EXOSC10: variants seen among roughly 807,000 people sequenced by gnomAD.
EXOSC10 encodes the protein exosome component 10.
In EXOSC10, 94 loss-of-function variants were observed where a neutral mutation model predicts 126.6. That is an observed-to-expected ratio of 0.74 (90% CI 0.63 to 0.88). The LOEUF is 0.88. Ranked by LOEUF, EXOSC10 falls within the 40% of genes least tolerant of loss-of-function variation. EXOSC10 has a pLI of 0.00. For synonymous variants in EXOSC10, 395 were observed against 400.8 expected (o/e 0.99, Z 0.17); for missense variants, 1,041 against 1,100.5 (o/e 0.95, Z 0.77).
rs747009008 is a variant in EXOSC10, at chr1:11,079,730, C to G, written c.1730G>C (p.Arg577Pro). Residue 577 changes from arginine (R) to proline (P), a missense_variant, in exon 14 of 25, where the codon CGA (arginine) becomes CCA (proline). Coordinates refer to ENST00000376936, the MANE Select transcript of EXOSC10 (RefSeq NM_001001998.3). ...NEMHLLIQQA[R>P]EMPLLKSEVA... ...TCTTACCTTGAGCAGGGGCATCTCT[C>G]GGGCCTGCTGGATTAAAAGGTGCAT... 6.2e-7 allele frequency: 1 copy of G among 1,613,672 alleles called. No homozygotes were observed. The highest frequency in any genetic ancestry group is 8.5e-7 in the Non-Finnish European group (1 of 1,179,834).
chr1:11,088,559 T>A (rs984578838), intron 6 of EXOSC10, among the ~76,000 whole-genome samples: 3 of 152,232 alleles, frequency 2.0e-5, no homozygotes, highest in African/African-American at 7.2e-5. Context: ...AAAGTAAGGA[T>A]GAAGCAAATA....
rs369539353 is a variant in EXOSC10 at position 11,077,413 on chromosome 1, C to G, written c.1831G>C (p.Asp611His). ...CCATCCGGAGGGGCATGGGAGCAGT[C>G]GTGAGGTCCAAAGAGAACATTCTCC... ...RLENVLFGPH[D>H]CSHAPPDGYP... is the part of the protein sequence containing the mutation. Residue 611 changes from aspartate (D) to histidine (H), a missense_variant, in exon 16 of 25, where the codon GAC (aspartate) becomes CAC (histidine). Asp to His is a moderately conservative substitution (Grantham distance 81, BLOSUM62 -1). Around this residue, in one of 3 missense-constraint regions of EXOSC10, gnomAD observed 388 missense variants for 415.2 expected, o/e 0.93. Transcript: ENST00000376936. The G allele has an allele frequency of 1.5e-5, 24 of 1,613,910 alleles. No homozygotes were observed. The highest frequency in any genetic ancestry group is 1.9e-5 in the Non-Finnish European group (22 of 1,179,984).
intron 18 of EXOSC10, 92 bp from the exon 19 acceptor site, chr1:11,074,100 T>G (rs2748876): frequency 0.76 from 1,067,543 of 1,399,558 alleles, 411,723 homozygotes; most frequent in East Asian, 0.94. Context: ...TGCTGGTGCC[T>G]TGTCAGCGTC....
At chr1:11,070,734 G>C (rs1322132635) in intron 21 of EXOSC10, 166 bp downstream of exon 21, 30 of 617,816 alleles carry the variant, frequency 4.9e-5, no homozygotes, top group Middle Eastern at 2.9e-4. Flanking sequence ...TCTTGTGGAG[G>C]TTTCGGAAAT....
chr1:11,076,838 T>A lies in EXOSC10; in HGVS notation c.1986+4A>T, dbSNP rs758087431. On this transcript the variant is annotated splice_donor_region_variant and intron_variant, in intron 17 of 24. Transcript: ENST00000376936. ...CACCTCAGTGAAGTTTCTGTGCTAC[T>A]CACATTAAATAACGTGATGACAGCT... The A allele has an allele frequency of 7.5e-6, 12 of 1,606,654 alleles. No individual in the cohort carries two copies. Among genetic ancestry groups the A allele is most frequent in the African/African-American group, 1.3e-5 (1 of 74,818 alleles).
intron 17 of EXOSC10, among the ~76,000 whole-genome samples, chr1:11,075,099 C>T (rs1343712013): frequency 6.6e-6 from 1 of 152,112 alleles, no homozygotes; most frequent in South Asian, 2.1e-4. Flanking sequence ...GTGGTGCCAT[C>T]TCTGCTCACT....
At position 11,087,540 on chromosome 1, in the gene EXOSC10, T is replaced by C. The variant is rs763126341; in HGVS notation, c.997A>G (p.Thr333Ala). 2 of 1,613,960 alleles carry C rather than the reference T, an allele frequency of 1.2e-6. No individual in the cohort carries two copies. Among genetic ancestry groups the C allele is most frequent in the Admixed American group, 1.7e-5 (1 of 59,980 alleles). The change falls in exon 9 of 25, where the codon ACT (threonine) becomes GCT (alanine). Residue 333 changes from threonine (T) to alanine (A), a missense_variant. By Grantham distance (58) the Thr-to-Ala change is moderately conservative (BLOSUM62 0). Coordinates refer to ENST00000376936, the MANE Select transcript of EXOSC10 (RefSeq NM_001001998.3). Reference protein sequence around the residue: ...LGLTCLMQISTRTEDFIIDTL... With the variant: ...LGLTCLMQISARTEDFIIDTL... ...TCAATGATGAAGTCTTCCGTCCGAGTAGAAATTTGCATCAGGCAGGTCAGT... is the reference window on the plus strand; with the variant it reads ...TCAATGATGAAGTCTTCCGTCCGAGCAGAAATTTGCATCAGGCAGGTCAGT...
At chr1:11,076,760 C>A in intron 17 of EXOSC10, 82 bp downstream of exon 17, 1 of 1,088,020 alleles carries the variant, frequency 9.2e-7, no homozygotes, top group Non-Finnish European at 1.4e-6. Flanking sequence ...GTATGCAATG[C>A]TCCAGGCAGA....
At chr1:11,090,952 C>A in intron 5 of EXOSC10, 62 bp downstream of exon 5, 1 of 1,555,972 alleles carries the variant, frequency 6.4e-7, no homozygotes, top group South Asian at 1.2e-5. Flanking sequence ...CCTGTACACC[C>A]TTCCTGGTTT....
chr1:11,074,081 A>T, intron 18 of EXOSC10, 73 bp from the exon 19 acceptor site: 4 of 1,480,000 alleles, frequency 2.7e-6, no homozygotes, highest in Non-Finnish European at 2.8e-6. Context: ...AAGCGCTCAG[A>T]TGGGGGGTTG....
At chr1:11,081,545 T>C (rs1345544518) in intron 10 of EXOSC10, among the ~76,000 whole-genome samples, 1 of 152,204 alleles carries the variant, frequency 6.6e-6, no homozygotes, top group Non-Finnish European at 1.5e-5. Context: ...CAGCTCCAGA[T>C]GTCTGTCCTT....
intron 2 of EXOSC10, among the ~76,000 whole-genome samples, chr1:11,097,325 C>T (rs1360491746): frequency 6.6e-6 from 1 of 151,514 alleles, no homozygotes; most frequent in Non-Finnish European, 1.5e-5. Flanking sequence ...TTGCAGTGAG[C>T]CGAGATTGAG....
intron 17 of EXOSC10, among the ~76,000 whole-genome samples, chr1:11,076,168 A>G (rs1314375051): frequency 6.6e-6 from 1 of 151,888 alleles, no homozygotes; most frequent in Non-Finnish European, 1.5e-5. Context: ...TCCATCTCAA[A>G]AAACCAAACC....
chr1:11,072,421 ACCCTGGG>A, intron 19 of EXOSC10: 1 of 401,394 alleles, frequency 2.5e-6, no homozygotes, highest in Non-Finnish European at 4.5e-6. Context: ...TCCCTCTGTA[ACCCTGGG>A]AAAAAGGTAC....
chr1:11,074,358 G>T, intron 17 of EXOSC10, 32 bp from the exon 18 acceptor site: 2 of 1,459,040 alleles, frequency 1.4e-6, no homozygotes, highest in South Asian at 2.3e-5. Context: ...GATCACTAAT[G>T]ACCATGATCA....
At chr1:11,092,730 G>C (rs1640875147) in intron 3 of EXOSC10, among the ~76,000 whole-genome samples, 2 of 151,976 alleles carry the variant, frequency 1.3e-5, no homozygotes, top group African/African-American at 4.8e-5. Context: ...TGTTGACCAA[G>C]CTGGTCTTGA....
intron 15 of EXOSC10, 68 bp from the exon 16 acceptor site, chr1:11,077,511 G>A (rs753024933): frequency 5.0e-6 from 8 of 1,597,702 alleles, no homozygotes; most frequent in African/African-American, 1.3e-5. Context: ...TCTGCCAGCT[G>A]TCAGCACAGG....
chr1:11,094,993 CT>C (rs1200339224), intron 3 of EXOSC10, among the ~76,000 whole-genome samples: 1 of 151,970 alleles, frequency 6.6e-6, no homozygotes, highest in Admixed American at 6.6e-5. Flanking sequence ...AGGCAGATCA[CT>C]TGAAGTCAGG....
At chr1:11,084,129 T>C (rs1403833212) in intron 9 of EXOSC10, among the ~76,000 whole-genome samples, 2 of 152,214 alleles carry the variant, frequency 1.3e-5, no homozygotes, top group Non-Finnish European at 1.5e-5. Context: ...TTATAGCCCT[T>C]TGGGTATATA....
Sources: gnomAD v4.1 joint callset for allele counts (sites outside exome capture counted in the v4.1 genomes callset) on GRCh38, gnomAD v4.1.1 for gene constraint, gnomAD v4.1.1 regional missense constraint, MANE v1.5 for transcripts, NCBI Gene and HGNC (gene_info 2026-07-23, HGNC 2026-07-21) for gene names.